Variants in STK32A observed in about 807,000 individuals in gnomAD.
STK32A encodes the protein serine/threonine kinase 32A.
In STK32A, 41 loss-of-function variants were observed where a neutral mutation model predicts 53.2. The observed-to-expected ratio is 0.77, with a 90% confidence interval of 0.60 to 1.00. The LOEUF is 1.00. STK32A is among the 50% of genes least tolerant of loss of function. The probability of loss-of-function intolerance (pLI) is 0.00; values close to 1 mark genes in which losing one functional copy is unlikely to be tolerated. For missense variants in STK32A, 458 were observed against 485.8 expected, an observed-to-expected ratio of 0.94 and a Z score of 0.54; for synonymous variants, 166 against 162.8, an observed-to-expected ratio of 1.02 and a Z score of -0.15.
chr5:147,313,554 C>A (rs891041126), intron 4 of STK32A, among the ~76,000 whole-genome samples: 1 of 152,316 alleles, frequency 6.6e-6, no homozygotes, highest in East Asian at 1.9e-4. Flanking sequence ...CAGAAATTCA[C>A]AAGCTGATCT....
intron 1 of STK32A, among the ~76,000 whole-genome samples, chr5:147,237,831 T>C (rs1199240675): frequency 6.6e-6 from 1 of 152,230 alleles, no homozygotes. Flanking sequence ...GAAAACGAGC[T>C]TTTCTTCTAC....
At chr5:147,285,677 CAT>C (rs1477270182) in intron 4 of STK32A, among the ~76,000 whole-genome samples, 1 of 151,924 alleles carries the variant, frequency 6.6e-6, no homozygotes, top group Non-Finnish European at 1.5e-5. Context: ...GGCCAGCAAA[CAT>C]ATGAAAAAAT....
At chr5:147,378,475 C>T (rs903596769) in intron 11 of STK32A, among the ~76,000 whole-genome samples, 1 of 152,130 alleles carries the variant, frequency 6.6e-6, no homozygotes, top group African/African-American at 2.4e-5. Context: ...TATCTAGAGC[C>T]ATTCACTGAA....
intron 2 of STK32A, among the ~76,000 whole-genome samples, chr5:147,248,116 C>G (rs1430480885): frequency 3.2e-5 from 4 of 126,886 alleles, no homozygotes; most frequent in African/African-American, 1.4e-4. Context: ...AGCAAAACTC[C>G]GTCTCAAAAA....
chr5:147,320,066 T>C (rs1172062739), intron 4 of STK32A, among the ~76,000 whole-genome samples: 1 of 152,240 alleles, frequency 6.6e-6, no homozygotes, highest in Non-Finnish European at 1.5e-5. Flanking sequence ...AACCTTATGT[T>C]AATAGCATTT....
In STK32A at chr5:147,239,684, A is replaced by T. The variant is rs759592866; in HGVS notation, c.50A>T (p.Asp17Val). ...RKPPVFDENE[D>V]VNFDHFEILR... ...CCACCAGTGTTTGATGAAAATGAAGATGGTAAGAAATATGGGATAGTGGCA... is the reference window on the plus strand; with the variant it reads ...CCACCAGTGTTTGATGAAAATGAAGTTGGTAAGAAATATGGGATAGTGGCA... The change falls in exon 2 of 13, where the codon GAT becomes GTT. Residue 17 changes from aspartate (D) to valine (V), a missense_variant and splice_region_variant. Transcript: ENST00000397936. 1.9e-6 allele frequency: 3 copies of T among 1,605,562 alleles called. No homozygotes were observed. Among genetic ancestry groups the T allele is most frequent in the Admixed American group, 3.4e-5 (2 of 59,044 alleles).
intron 5 of STK32A, among the ~76,000 whole-genome samples, chr5:147,330,654 A>G (rs1180036560): frequency 6.6e-6 from 1 of 152,222 alleles, no homozygotes; most frequent in Non-Finnish European, 1.5e-5. Context: ...ACAAGTGATC[A>G]GTAATGATTC....
intron 6 of STK32A, chr5:147,343,334 A>G: frequency 1.8e-6 from 1 of 568,166 alleles, no homozygotes. Context: ...TTTCAGTGTT[A>G]GCTGGCCTTA....
At chr5:147,252,259 T>G (rs1754031920) in intron 2 of STK32A, among the ~76,000 whole-genome samples, 1 of 152,214 alleles carries the variant, frequency 6.6e-6, no homozygotes, top group Non-Finnish European at 1.5e-5. Context: ...GGGATAATTT[T>G]TATTTATTTT....
rs1405793068 is a variant in STK32A, at chr5:147,379,148, T to C, written c.1032+3930T>C. On this transcript the variant is annotated intron_variant, in intron 11 of 12. Coordinates refer to ENST00000397936, the MANE Select transcript of STK32A (RefSeq NM_001112724.2). ...TGAAGAGGTCCTTCATTTCCCTTGT[T>C]AGCTATATTCCTAGGTGTTTTATTG... is the stretch of plus-strand genomic sequence containing the variant. 2.6e-5 allele frequency among the ~76,000 whole-genome samples: 4 copies of C among 151,830 alleles called. No homozygotes were observed. In the East Asian group the frequency reaches 7.8e-4, roughly 30 times the overall value.
At chr5:147,251,691 C>A (rs1754006466) in intron 2 of STK32A, among the ~76,000 whole-genome samples, 1 of 152,220 alleles carries the variant, frequency 6.6e-6, no homozygotes, top group African/African-American at 2.4e-5. Context: ...AAAACAATTT[C>A]ATTTCACAGT....
At chr5:147,389,634 C>T (rs747594532), downstream of STK32A, among the ~76,000 whole-genome samples, 3 of 152,168 alleles carry the variant, frequency 2.0e-5, no homozygotes, top group Middle Eastern at 3.4e-3. Flanking sequence ...TTTGAGAGGC[C>T]GAGGCGGGTG....
chr5:147,250,446 A>G (rs932707503), intron 2 of STK32A, among the ~76,000 whole-genome samples: 1 of 152,160 alleles, frequency 6.6e-6, no homozygotes, highest in Non-Finnish European at 1.5e-5. Flanking sequence ...TGGAAAGTGG[A>G]AGGAAAGAGA....
At chr5:147,241,506 A>AC (rs1554098365) in intron 2 of STK32A, among the ~76,000 whole-genome samples, 3 of 151,240 alleles carry the variant, frequency 2.0e-5, no homozygotes, top group East Asian at 1.9e-4. Flanking sequence ...AAACAAACAA[A>AC]AAAACCCAAA....
At chr5:147,324,910 C>T (rs537437271) in intron 5 of STK32A, among the ~76,000 whole-genome samples, 2 of 152,268 alleles carry the variant, frequency 1.3e-5, no homozygotes, top group East Asian at 3.9e-4. Context: ...CTCCTAGGTA[C>T]TTTATGTACA....
At chr5:147,369,543 A>C (rs1206893469) in intron 8 of STK32A, among the ~76,000 whole-genome samples, 2 of 152,224 alleles carry the variant, frequency 1.3e-5, no homozygotes, top group African/African-American at 4.8e-5. Flanking sequence ...TTACAGATGA[A>C]GTAACAAGCT....
intron 5 of STK32A, among the ~76,000 whole-genome samples, chr5:147,337,470 G>A (rs980286169): frequency 2.0e-5 from 3 of 152,094 alleles, no homozygotes; most frequent in Non-Finnish European, 4.4e-5. Context: ...TTTTGGGGGT[G>A]GGGATTGGTT....
intron 4 of STK32A, among the ~76,000 whole-genome samples, chr5:147,294,115 A>G (rs1209674878): frequency 6.6e-6 from 1 of 152,236 alleles, no homozygotes; most frequent in Admixed American, 6.5e-5. Context: ...CTGGCCTTGC[A>G]CCAGTGAGCT....
At chr5:147,373,142 G>T (rs1320272404) in intron 9 of STK32A, 27 bp from the exon 10 acceptor site, 1 of 1,612,008 alleles carries the variant, frequency 6.2e-7, no homozygotes, top group Admixed American at 1.7e-5. Flanking sequence ...CTTTCTTATG[G>T]CCTTGATGTT....
Sources: allele counts gnomAD v4.1 joint callset (sites outside exome capture counted in the v4.1 genomes callset), GRCh38; gene constraint gnomAD v4.1.1; transcripts MANE v1.5; gene names NCBI Gene and HGNC (gene_info 2026-07-23, HGNC 2026-07-21).